RBM39: variants seen among roughly 807,000 people sequenced by gnomAD.
The protein encoded by RBM39 is RNA binding motif protein 39, also known as RNA-binding protein 39.
In RBM39, 12 loss-of-function variants were observed where a neutral mutation model predicts 79.6. That is an observed-to-expected ratio of 0.15 (90% CI 0.10 to 0.24). The LOEUF (loss-of-function observed/expected upper bound fraction) is 0.24, where lower values mean the gene tolerates loss of function less well. Among genes scored for constraint, RBM39 ranks in the 10% least tolerant of loss-of-function variants. The probability of loss-of-function intolerance (pLI) is 1.00; values close to 1 mark genes in which losing one functional copy is unlikely to be tolerated. For synonymous variants in RBM39, 185 were observed against 208.4 expected (o/e 0.89, Z 0.97); for missense variants, 243 against 653.4 (o/e 0.37, Z 6.85).
intron 3 of RBM39, chr20:35,734,741 A>C: frequency 1.7e-6 from 2 of 1,173,286 alleles, no homozygotes; most frequent in Non-Finnish European, 2.2e-6. Context: ...GCAACATACT[A>C]AGACATTCAG....
At chr20:35,734,219 AAGG>A (rs1257306192) in intron 3 of RBM39, 16 of 1,303,760 alleles carry the variant, frequency 1.2e-5, no homozygotes, top group Non-Finnish European at 1.5e-5. Flanking sequence ...CTCCAATCAC[AAGG>A]AGATGTAGAG....
intron 4 of RBM39, 138 bp downstream of exon 4, chr20:35,731,803 G>T: frequency 1.1e-6 from 1 of 891,136 alleles, no homozygotes; most frequent in Non-Finnish European, 1.8e-6. Context: ...AGTATTCAAT[G>T]CCAATATCCT....
rs1423718184 is a variant in RBM39, at chr20:35,722,457, G to GTTTTTT, written c.688-581_688-580insAAAAAA. On this transcript the variant is annotated intron_variant, in intron 8 of 16. Coordinates refer to ENST00000253363, the MANE Select transcript of RBM39 (RefSeq NM_184234.3). ...ATAAAAATAAAAAGTTTATTTAGAG[G>GTTTTTT]CTTTTTTTTTTTTTTTTTTGAGACA... Among the ~76,000 whole-genome samples the GTTTTTT allele has an allele frequency of 2.1e-3, 279 of 131,202 alleles. 11 individuals are homozygous for GTTTTTT. The highest frequency in any genetic ancestry group is 5.1e-3 in the African/African-American group (170 of 33,038). The allele number at this position is 131,202 out of a possible 152,430, so 86.1% of individuals were successfully genotyped here. A position where few individuals can be genotyped will look rare whatever the true frequency, so the allele number is the denominator to read the frequency against.
chr20:35,728,335 G>A (rs142197868), intron 6 of RBM39, among the ~76,000 whole-genome samples: 74 of 152,170 alleles, frequency 4.9e-4, no homozygotes, highest in African/African-American at 1.8e-3. Flanking sequence ...CATTTAACAC[G>A]AATAAGCTAA....
Position 35,725,673 on chromosome 20 carries a change from TTTTTC to T in RBM39, c.417-523_417-519del, listed in dbSNP as rs796821112. ...ACCCATTTTCTTTTTTTTTTTTTTT[TTTTTC>T]CAGAGGAAGTCTTGTTCTTGTCCCC... On this transcript the variant is annotated intron_variant, in intron 6 of 16. Coordinates refer to ENST00000253363, the MANE Select transcript of RBM39 (RefSeq NM_184234.3). 9.9e-3 allele frequency among the ~76,000 whole-genome samples: 1,416 copies of T among 142,982 alleles called. 15 individuals are homozygous for T. The highest frequency in any genetic ancestry group is 0.036 in the African/African-American group (1,324 of 36,722). 93.8% of individuals were successfully genotyped at this position (142,982 alleles called of 152,430 possible).
chr20:35,719,325 C>G (rs8124505), intron 9 of RBM39, among the ~76,000 whole-genome samples: 15,919 of 152,180 alleles, frequency 0.1, 864 homozygotes, highest in South Asian at 0.14. Context: ...AGCCACTGTG[C>G]CTGGCCCATA....
At chr20:35,705,530 ACTCATGCCTGTAATCCCAGCAC>A (rs1202727508) in intron 14 of RBM39, 200 bp from the exon 15 acceptor site, 1 of 412,150 alleles carries the variant, frequency 2.4e-6, no homozygotes, top group Non-Finnish European at 4.3e-6. Flanking sequence ...GGGCGCGGTG[ACTCATGCCTGTAATCCCAGCAC>A]TTTGGGAGGC....
At chr20:35,716,126 C>A (rs1260947353) in intron 10 of RBM39, among the ~76,000 whole-genome samples, 1 of 151,936 alleles carries the variant, frequency 6.6e-6, no homozygotes, top group East Asian at 1.9e-4. Context: ...AGCACTGCAG[C>A]GCAATAGCAC....
At chr20:35,740,186 A>T (rs1368766987) in intron 2 of RBM39, 1 of 171,944 alleles carries the variant, frequency 5.8e-6, no homozygotes, top group African/African-American at 2.4e-5. Flanking sequence ...TATTGACTCT[A>T]CTGCCTCTTG....
chr20:35,706,920 G>A (rs2035800167), intron 14 of RBM39, among the ~76,000 whole-genome samples, 200 bp downstream of exon 14: 2 of 151,170 alleles, frequency 1.3e-5, no homozygotes, highest in Admixed American at 6.6e-5. Flanking sequence ...CCAGCCACTC[G>A]GAAGGCTGAG....
intron 4 of RBM39, among the ~76,000 whole-genome samples, chr20:35,730,508 A>C (rs1420683139): frequency 6.6e-6 from 1 of 152,172 alleles, no homozygotes; most frequent in East Asian, 1.9e-4. Context: ...ATGACTGAGA[A>C]TCATTTACTG....
At chr20:35,706,752 GC>G (rs2035776758) in intron 14 of RBM39, among the ~76,000 whole-genome samples, 1 of 152,064 alleles carries the variant, frequency 6.6e-6, no homozygotes, top group Non-Finnish European at 1.5e-5. Flanking sequence ...ACCAGGCCGG[GC>G]CCGGTGGCTC....
chr20:35,714,170 G>C lies in RBM39; in HGVS notation c.1096+15C>G, dbSNP rs1419344519. 6.2e-7 allele frequency: 1 copy of C among 1,609,466 alleles called. No homozygotes were observed. Among genetic ancestry groups the C allele is most frequent in the Admixed American group, 1.7e-5 (1 of 59,964 alleles). On this transcript the variant is annotated intron_variant, in intron 11 of 16. Coordinates refer to ENST00000253363, the MANE Select transcript of RBM39 (RefSeq NM_184234.3). ...TACCCACAGTAAATCATTCGTAATA[G>C]CAAGAAACACTTACCCTCTGCAAGT...
intron 6 of RBM39, among the ~76,000 whole-genome samples, chr20:35,725,822 C>T (rs1377875932): frequency 6.6e-6 from 1 of 151,818 alleles, no homozygotes; most frequent in Admixed American, 6.6e-5. Flanking sequence ...TGCCACCACA[C>T]CCAGCTAATT....
chr20:35,708,259 G>A (rs1041389065), intron 13 of RBM39, among the ~76,000 whole-genome samples: 1 of 151,890 alleles, frequency 6.6e-6, no homozygotes, highest in Non-Finnish European at 1.5e-5. Flanking sequence ...TATTATAACT[G>A]TGCAAAAATG....
chr20:35,711,970 G>C (rs1364808712), intron 12 of RBM39, among the ~76,000 whole-genome samples: 1 of 152,148 alleles, frequency 6.6e-6, no homozygotes, highest in Non-Finnish European at 1.5e-5. Context: ...GGAAATGTCT[G>C]TGATCCCAGC....
chr20:35,711,655 A>C (rs2036428237), intron 12 of RBM39, among the ~76,000 whole-genome samples: 1 of 152,248 alleles, frequency 6.6e-6, no homozygotes, highest in African/African-American at 2.4e-5. Flanking sequence ...ACTTAAGAAC[A>C]ACCACTAAGA....
chr20:35,719,739 A>C (rs1018550367), intron 9 of RBM39, among the ~76,000 whole-genome samples: 1 of 152,178 alleles, frequency 6.6e-6, no homozygotes, highest in Admixed American at 6.5e-5. Flanking sequence ...TTTAAATATC[A>C]ACTGTTTCCT....
chr20:35,719,706 A>G (rs2037656935), intron 9 of RBM39, among the ~76,000 whole-genome samples: 1 of 152,172 alleles, frequency 6.6e-6, no homozygotes. Flanking sequence ...TTGACAAATC[A>G]GACTCTAGAG....
Sources: gnomAD v4.1 joint callset for allele counts (sites outside exome capture counted in the v4.1 genomes callset) on GRCh38, gnomAD v4.1.1 for gene constraint, MANE v1.5 for transcripts, NCBI Gene and HGNC (gene_info 2026-07-23, HGNC 2026-07-21) for gene names.